Variants in NAALADL2 observed in about 807,000 individuals in gnomAD.
NAALADL2 encodes inactive N-acetylated-alpha-linked acidic dipeptidase-like protein 2.
A neutral mutation model predicts 87.2 loss-of-function variants in NAALADL2; 76 were observed. The observed-to-expected ratio is 0.87, with a 90% CI of 0.72 to 1.05. NAALADL2 has a LOEUF of 1.05. Ranked by LOEUF, NAALADL2 falls within the 50% of genes least tolerant of loss-of-function variation. The pLI, the probability that NAALADL2 is intolerant of heterozygous loss-of-function variation, is 0.00. For synonymous variants in NAALADL2, 354 were observed against 331.0 expected, an observed-to-expected ratio of 1.07 and a Z score of -0.75; for missense variants, 1,089 against 945.8, an observed-to-expected ratio of 1.15 and a Z score of -1.99.
chr3:175,173,309 A>AAATT lies in NAALADL2; in HGVS notation c.546-60620_546-60619insTTAA, dbSNP rs1553799168. On this transcript the variant is annotated intron_variant, in intron 2 of 13. Transcript: ENST00000454872. The stretch of plus-strand genomic sequence containing the variant: ...TCCGTTTCAAAATAAATAAATAAAT[A>AAATT]AAATAAATAAATAAATAAATAAATA... Among the ~76,000 whole-genome samples the AAATT allele has an allele frequency of 7.9e-5, 11 of 139,962 alleles. No homozygotes were observed. The East Asian group carries it at 1.9e-3, about 24-fold the overall frequency. The allele number at this position is 139,962 out of a possible 152,430, so 91.8% of individuals were successfully genotyped here.
At chr3:175,764,385 T>A (rs1748411545) in intron 13 of NAALADL2, among the ~76,000 whole-genome samples, 3 of 151,614 alleles carry the variant, frequency 2.0e-5, no homozygotes, top group African/African-American at 7.3e-5. Flanking sequence ...AGTATATGTA[T>A]GTGTATATAC....
At chr3:175,282,906 GTCT>G (rs1021431740) in intron 4 of NAALADL2, among the ~76,000 whole-genome samples, 2 of 142,192 alleles carry the variant, frequency 1.4e-5, no homozygotes, top group African/African-American at 5.5e-5. Context: ...CTACCTTTCT[GTCT>G]TCTTTTTTTT....
chr3:174,787,163 G>C (rs969614626), intron 3 of NAALADL2, among the ~76,000 whole-genome samples: 1 of 152,014 alleles, frequency 6.6e-6, no homozygotes, highest in East Asian at 1.9e-4. Context: ...CAACATCTTT[G>C]GGGGTTAGAG....
At chr3:175,418,653 T>C (rs749709162) in intron 5 of NAALADL2, among the ~76,000 whole-genome samples, 1 of 152,106 alleles carries the variant, frequency 6.6e-6, no homozygotes, top group Non-Finnish European at 1.5e-5. Context: ...TTAGAAGTGA[T>C]AGTTACATAA....
intron 1 of NAALADL2, among the ~76,000 whole-genome samples, chr3:174,472,786 G>C (rs1716983439): frequency 6.6e-6 from 1 of 152,044 alleles, no homozygotes. Flanking sequence ...ACACCACTAG[G>C]CCTAAGTTGC....
intron 3 of NAALADL2, among the ~76,000 whole-genome samples, chr3:174,794,003 C>T (rs1423778413): frequency 6.6e-6 from 1 of 152,014 alleles, no homozygotes; most frequent in Non-Finnish European, 1.5e-5. Context: ...TGGAAAGATC[C>T]AATATCTACT....
intron 3 of NAALADL2, among the ~76,000 whole-genome samples, chr3:175,238,024 T>A (rs545946525): frequency 5.8e-4 from 88 of 152,308 alleles, no homozygotes; most frequent in African/African-American, 2.1e-3. Flanking sequence ...AAAAAGTTAA[T>A]TATTTTTTTC....
rs1252658084 is a variant in NAALADL2 at position 175,394,319 on chromosome 3, A to G, written c.1091-52910A>G. On this transcript the variant is annotated intron_variant, in intron 5 of 13. Coordinates refer to ENST00000454872, the MANE Select transcript of NAALADL2 (RefSeq NM_207015.3). Reference sequence around the variant, plus strand: ...CCCTTGGTAGCAGAGTTGGAGGACTATAGTTAACAATGCATTGTATATTTT... The same window carrying G: ...CCCTTGGTAGCAGAGTTGGAGGACTGTAGTTAACAATGCATTGTATATTTT... Among the ~76,000 whole-genome samples, 5 of 152,208 alleles carry G rather than the reference A, an allele frequency of 3.3e-5. No homozygotes were observed. The South Asian group carries it at 1.0e-3, about 32-fold the overall frequency.
chr3:174,698,172 A>C (rs953131599), intron 2 of NAALADL2, among the ~76,000 whole-genome samples: 2 of 152,302 alleles, frequency 1.3e-5, no homozygotes, highest in Non-Finnish European at 2.9e-5. Flanking sequence ...TTTTCCTGGG[A>C]GGAAATCATT....
chr3:175,113,488 A>G (rs1388388300), intron 2 of NAALADL2, among the ~76,000 whole-genome samples: 1 of 151,590 alleles, frequency 6.6e-6, no homozygotes, highest in Non-Finnish European at 1.5e-5. Context: ...CTAAGATTCT[A>G]TCAATGTCTT....
At chr3:175,279,753 C>T (rs1238823450) in intron 4 of NAALADL2, among the ~76,000 whole-genome samples, 1 of 150,736 alleles carries the variant, frequency 6.6e-6, no homozygotes, top group East Asian at 2.0e-4. Flanking sequence ...AATTTTCCAA[C>T]AATCGCTGAA....
At chr3:174,995,551 C>T (rs944522224) in intron 1 of NAALADL2, among the ~76,000 whole-genome samples, 1 of 151,894 alleles carries the variant, frequency 6.6e-6, no homozygotes, top group East Asian at 1.9e-4. Context: ...TTTTTCAGAC[C>T]CCATACTTTC....
intron 2 of NAALADL2, among the ~76,000 whole-genome samples, chr3:175,188,814 A>G (rs996479895): frequency 1.3e-5 from 2 of 152,148 alleles, no homozygotes; most frequent in Admixed American, 6.5e-5. Flanking sequence ...TGGTACCCCA[A>G]TCCCCTGGGG....
chr3:175,291,778 C>T (rs1481839783), intron 4 of NAALADL2, among the ~76,000 whole-genome samples: 2 of 152,042 alleles, frequency 1.3e-5, no homozygotes, highest in Non-Finnish European at 2.9e-5. Flanking sequence ...TTTCCACAAA[C>T]CAAGACTGCT....
chr3:175,583,339 G>A (rs1375503001), intron 10 of NAALADL2, among the ~76,000 whole-genome samples: 4 of 152,118 alleles, frequency 2.6e-5, no homozygotes, highest in Admixed American at 6.5e-5. Context: ...TCAAACCATC[G>A]TAAGTTGGAG....
At chr3:174,491,676 TC>T (rs2108350943) in intron 1 of NAALADL2, among the ~76,000 whole-genome samples, 1 of 152,296 alleles carries the variant, frequency 6.6e-6, no homozygotes, top group African/African-American at 2.4e-5. Flanking sequence ...GCCATTTTTT[TC>T]CAACATTGAT....
intron 1 of NAALADL2, among the ~76,000 whole-genome samples, chr3:174,441,904 A>C (rs977446139): frequency 6.6e-6 from 1 of 152,028 alleles, no homozygotes; most frequent in Non-Finnish European, 1.5e-5. Flanking sequence ...AGGATTAATT[A>C]ACTGTGGATT....
At chr3:175,588,150 C>T (rs573060641) in intron 10 of NAALADL2, among the ~76,000 whole-genome samples, 8 of 151,610 alleles carry the variant, frequency 5.3e-5, no homozygotes, top group African/African-American at 9.7e-5. Context: ...AAGACAGTAA[C>T]GCCTGGTAGG....
chr3:174,750,118 T>C (rs141460926), intron 3 of NAALADL2, among the ~76,000 whole-genome samples: 427 of 152,340 alleles, frequency 2.8e-3, no homozygotes, highest in Middle Eastern at 0.017. Context: ...TTGTTTGTTT[T>C]ATATGCATCT....
Sources: gnomAD v4.1 joint callset for allele counts (sites outside exome capture counted in the v4.1 genomes callset) on GRCh38, gnomAD v4.1.1 for gene constraint, MANE v1.5 for transcripts, NCBI Gene and HGNC (gene_info 2026-07-23, HGNC 2026-07-21) for gene names.